The following MLEC variants were observed in gnomAD, a reference collection of about 807,000 sequenced individuals.
MLEC encodes oligosaccharyltransferase complex subunit (non-catalytic).
In MLEC, 7 loss-of-function variants were observed where a neutral mutation model predicts 28.7. The observed-to-expected ratio is 0.24, with a 90% CI of 0.14 to 0.46. The LOEUF (loss-of-function observed/expected upper bound fraction) is 0.46, where lower values mean the gene tolerates loss of function less well. Among genes scored for constraint, MLEC ranks in the 20% least tolerant of loss-of-function variants. The pLI is 0.99. For missense variants in MLEC, 237 were observed against 391.1 expected (o/e 0.61, Z 3.32); for synonymous variants, 142 against 164.4 (o/e 0.86, Z 1.04).
chr12:120,696,684 AAG>A lies in MLEC; in HGVS notation c.*142_*143del. ...ACACACATCAATTAAAGGAGACAAA[AAG>A]AGGCAGAGCGAGTAGAGAGCAGCCC... On this transcript the variant is annotated 3_prime_UTR_variant, in exon 5 of 5. Coordinates refer to ENST00000228506, the MANE Select transcript of MLEC (RefSeq NM_014730.4). This position sits in a 1 kb window ranked among gnomAD's most constrained non-coding sequence, Gnocchi z 5.4. The A allele has an allele frequency of 1.5e-6, 2 of 1,309,464 alleles. No individual in the cohort carries two copies. Among genetic ancestry groups the A allele is most frequent in the Non-Finnish European group, 2.1e-6 (2 of 961,314 alleles). The allele number at this position is 1,309,464 out of a possible 1,614,324, so 81.1% of individuals were successfully genotyped here.
At position 120,694,396 on chromosome 12, in the gene MLEC, T is replaced by C. The variant is rs911670170; in HGVS notation, c.414+127T>C. ...AGAACAGATGAGCTCTAGAGAAGCA[T>C]GTTCCATAGTGCACAAGGCTGCACT... On this transcript the variant is annotated intron_variant, in intron 2 of 4. Transcript: ENST00000228506. The surrounding 1 kb of genome is among the most constrained non-coding windows in gnomAD (Gnocchi z 4.5). The C allele has an allele frequency of 6.2e-6, 6 of 961,894 alleles. No individual in the cohort carries two copies. The African/African-American group carries it at 9.9e-5, about 16-fold the overall frequency. 59.6% of individuals were successfully genotyped at this position (961,894 alleles called of 1,614,324 possible).
chr12:120,687,375 C>G lies in MLEC; in HGVS notation c.79C>G (p.Arg27Gly). ...GCTGCTGCTGCTGCCGCCGGCGATC[C>G]GGGGACCCGGGCTCGGCGTGGCCGG... ...LLLLLLPPAI[R>G]GPGLGVAGVA... Residue 27 changes from arginine to glycine, a missense_variant, in exon 1 of 5, where the codon CGG (arginine) becomes GGG (glycine). Coordinates refer to ENST00000228506, the MANE Select transcript of MLEC (RefSeq NM_014730.4). The surrounding 1 kb of genome is among the most constrained non-coding windows in gnomAD (Gnocchi z 8.1). 1 of 1,370,396 alleles carries G rather than the reference C, an allele frequency of 7.3e-7. No homozygotes were observed. The highest frequency in any genetic ancestry group is 9.4e-7 in the Non-Finnish European group (1 of 1,062,094). 84.9% of individuals were successfully genotyped at this position (1,370,396 alleles called of 1,614,324 possible). A position where few individuals can be genotyped will look rare whatever the true frequency, so the allele number is the denominator to read the frequency against.
rs1360667754 is a variant in MLEC, at chr12:120,701,505, T to G, written c.*4960T>G. 1.3e-5 allele frequency: 2 copies of G among 152,592 alleles called. No homozygotes were observed. Among genetic ancestry groups the G allele is most frequent in the African/African-American group, 2.4e-5 (1 of 41,424 alleles). 9.5% of individuals were successfully genotyped at this position (152,592 alleles called of 1,614,324 possible). On this transcript the variant is annotated 3_prime_UTR_variant, in exon 5 of 5. Transcript: ENST00000228506. The surrounding 1 kb of genome is among the most constrained non-coding windows in gnomAD (Gnocchi z 4.0). ...CTTGTCAGGAAACCAAGCCCACCCTTCCACATTGGGCCTGGCTGCTCTATT... is the reference window on the plus strand; with the variant it reads ...CTTGTCAGGAAACCAAGCCCACCCTGCCACATTGGGCCTGGCTGCTCTATT...
intron 1 of MLEC, among the ~76,000 whole-genome samples, chr12:120,688,991 C>G (rs529534318): frequency 3.3e-5 from 5 of 152,228 alleles, no homozygotes; most frequent in Non-Finnish European, 7.3e-5. Context: ...CTTGAGGAAA[C>G]TAGACAGTTT....
Position 120,694,355 on chromosome 12 carries a change from G to C in MLEC, c.414+86G>C. On this transcript the variant is annotated intron_variant, in intron 2 of 4. Coordinates refer to ENST00000228506, the MANE Select transcript of MLEC (RefSeq NM_014730.4). This position sits in a 1 kb window ranked among gnomAD's most constrained non-coding sequence, Gnocchi z 4.5. ...GATTATGGGGCTAGAGAGTGTGAGAGTCTCTCCAGAAAGGCAGAACAGATG... is the reference window on the plus strand; with the variant it reads ...GATTATGGGGCTAGAGAGTGTGAGACTCTCTCCAGAAAGGCAGAACAGATG... The C allele has an allele frequency of 1.4e-6, 2 of 1,390,308 alleles. No individual in the cohort carries two copies. The highest frequency in any genetic ancestry group is 2.0e-6 in the Non-Finnish European group (2 of 1,009,414). The allele number at this position is 1,390,308 out of a possible 1,614,324, so 86.1% of individuals were successfully genotyped here.
chr12:120,695,892 G>A (rs966351979), intron 4 of MLEC, among the ~76,000 whole-genome samples: 2 of 152,230 alleles, frequency 1.3e-5, no homozygotes, highest in Non-Finnish European at 2.9e-5. Context: ...GAGGAGGCAG[G>A]ACAGAGGGAT....
At chr12:120,692,119 C>T (rs1189586942) in intron 1 of MLEC, among the ~76,000 whole-genome samples, 1 of 152,128 alleles carries the variant, frequency 6.6e-6, no homozygotes, top group African/African-American at 2.4e-5. Context: ...GAGATTGCGC[C>T]ATTGCACTCC....
Position 120,694,628 on chromosome 12 carries a change from T to A in MLEC, c.415-196T>A, listed in dbSNP as rs544902569. On this transcript the variant is annotated intron_variant, in intron 2 of 4. Coordinates refer to ENST00000228506, the MANE Select transcript of MLEC (RefSeq NM_014730.4). The surrounding 1 kb of genome is among the most constrained non-coding windows in gnomAD (Gnocchi z 4.5). The stretch of plus-strand genomic sequence containing the variant: ...TATTCTTTGTTCCTTAAAGCCAATA[T>A]AAGAACTCCTGGGCAGTGAAGGAAC... Among the ~76,000 whole-genome samples the A allele has an allele frequency of 2.6e-5, 4 of 152,306 alleles. No homozygotes were observed. Among genetic ancestry groups the A allele is most frequent in the Non-Finnish European group, 4.4e-5 (3 of 68,020 alleles).
In MLEC at chr12:120,701,700, G is replaced by A. The variant is rs1803505; in HGVS notation, c.*5155G>A. 3,967 of 152,800 alleles carry A rather than the reference G, an allele frequency of 0.026. 86 individuals are homozygous for A. Among genetic ancestry groups the A allele is most frequent in the South Asian group, 0.051 (245 of 4,818 alleles). 9.5% of individuals were successfully genotyped at this position (152,800 alleles called of 1,614,324 possible). ...TGATGGGCTTTGAACCTGGTTGGCC[G>A]GGGAAGCTGTAGGGGTGGATAGAGC... On this transcript the variant is annotated 3_prime_UTR_variant, in exon 5 of 5. Transcript: ENST00000228506. This position sits in a 1 kb window ranked among gnomAD's most constrained non-coding sequence, Gnocchi z 4.0.
chr12:120,696,012 G>A lies in MLEC; in HGVS notation c.650-304G>A, dbSNP rs1221659405. ...GGAGGAGGGATTTGAAAAGGCTAAA[G>A]TTTAGGCATTGGATCATTGTCCCTG... On this transcript the variant is annotated intron_variant, in intron 4 of 4. Transcript: ENST00000228506. The surrounding 1 kb of genome is among the most constrained non-coding windows in gnomAD (Gnocchi z 5.4). Among the ~76,000 whole-genome samples, 3 of 152,198 alleles carry A rather than the reference G, an allele frequency of 2.0e-5. No homozygotes were observed. Among genetic ancestry groups the A allele is most frequent in the Non-Finnish European group, 2.9e-5 (2 of 68,040 alleles).
In MLEC at chr12:120,701,462, A is replaced by G. The variant is rs929595816; in HGVS notation, c.*4917A>G. The G allele has an allele frequency of 2.6e-5, 4 of 152,632 alleles. No homozygotes were observed. Among genetic ancestry groups the G allele is most frequent in the African/African-American group, 9.7e-5 (4 of 41,438 alleles). 9.5% of individuals were successfully genotyped at this position (152,632 alleles called of 1,614,324 possible). A position where few individuals can be genotyped will look rare whatever the true frequency, so the allele number is the denominator to read the frequency against. ...TGAGCCCAGGGCAGCCTCTTCAACCATTATTGGTCTAACCTGGCTTGTCAG... is the reference window on the plus strand; with the variant it reads ...TGAGCCCAGGGCAGCCTCTTCAACCGTTATTGGTCTAACCTGGCTTGTCAG... On this transcript the variant is annotated 3_prime_UTR_variant, in exon 5 of 5. Coordinates refer to ENST00000228506, the MANE Select transcript of MLEC (RefSeq NM_014730.4). This position sits in a 1 kb window ranked among gnomAD's most constrained non-coding sequence, Gnocchi z 4.0.
rs1026367553 is a variant in MLEC, at chr12:120,687,977, T to C, written c.235+446T>C. On this transcript the variant is annotated intron_variant, in intron 1 of 4. Transcript: ENST00000228506. This position sits in a 1 kb window ranked among gnomAD's most constrained non-coding sequence, Gnocchi z 8.1. ...AGCGGGGCTTGATTCTTAGCCAGAA[T>C]AGGAAGGAATCTTCGAAGAGAATGG... Among the ~76,000 whole-genome samples the C allele has an allele frequency of 1.2e-4, 18 of 152,182 alleles. No homozygotes were observed. Among genetic ancestry groups the C allele is most frequent in the African/African-American group, 3.9e-4 (16 of 41,522 alleles).
rs1363107612 is a variant in MLEC, at chr12:120,700,809, C to T, written c.*4264C>T. 6.6e-6 allele frequency: 1 copy of T among 152,256 alleles called. No individual in the cohort carries two copies. Among genetic ancestry groups the T allele is most frequent in the East Asian group, 1.9e-4 (1 of 5,208 alleles). The allele number at this position is 152,256 out of a possible 1,614,324, so 9.4% of individuals were successfully genotyped here. ...AGATTGGTACCAGTAGATCAGCTGC[C>T]TAGCGAGGGCAGGTTTCTTCTTTGC... On this transcript the variant is annotated 3_prime_UTR_variant, in exon 5 of 5. Transcript: ENST00000228506. This position sits in a 1 kb window ranked among gnomAD's most constrained non-coding sequence, Gnocchi z 4.0.
rs1297039004 is a variant in MLEC at position 120,694,320 on chromosome 12, G to A, written c.414+51G>A. On this transcript the variant is annotated intron_variant, in intron 2 of 4. Transcript: ENST00000228506. This position sits in a 1 kb window ranked among gnomAD's most constrained non-coding sequence, Gnocchi z 4.5. ...GACCAGTAGGACATTGCTGCTCTTG[G>A]ACAATCCACGATTATGGGGCTAGAG... The A allele has an allele frequency of 2.6e-6, 4 of 1,567,110 alleles. No homozygotes were observed. The African/African-American group carries it at 4.1e-5, about 16-fold the overall frequency.
chr12:120,694,798 A>C lies in MLEC; in HGVS notation c.415-26A>C. On this transcript the variant is annotated intron_variant, in intron 2 of 4. Transcript: ENST00000228506. The surrounding 1 kb of genome is among the most constrained non-coding windows in gnomAD (Gnocchi z 4.5). ...AGGATGTAAAGCTGATGGTTTTGAC[A>C]TTGTTTTCTTTTCTTATCCTGGAAG... 1 of 1,590,176 alleles carries C rather than the reference A, an allele frequency of 6.3e-7. No homozygotes were observed. Among genetic ancestry groups the C allele is most frequent in the Non-Finnish European group, 8.6e-7 (1 of 1,164,992 alleles).
intron 1 of MLEC, among the ~76,000 whole-genome samples, chr12:120,692,987 G>A (rs777478749): frequency 3.3e-5 from 5 of 152,134 alleles, no homozygotes; most frequent in Non-Finnish European, 7.3e-5. Context: ...TTGGGAGGCC[G>A]ATGCGGGTGG....
At position 120,695,366 on chromosome 12, in the gene MLEC, A is replaced by T. The variant is rs80157201; in HGVS notation, c.649+214A>T. 3.4e-3 allele frequency among the ~76,000 whole-genome samples: 517 copies of T among 152,350 alleles called. 2 individuals are homozygous for T. The highest frequency in any genetic ancestry group is 0.012 in the African/African-American group (501 of 41,582). On this transcript the variant is annotated intron_variant, in intron 4 of 4. Transcript: ENST00000228506. ...TATATCTTGTTGCTGCCATTTAATC[A>T]GATGTTTGTCTTGGATGGATGCTTT...
At chr12:120,695,335 T>G (rs1882189957) in intron 4 of MLEC, among the ~76,000 whole-genome samples, 183 bp downstream of exon 4, 2 of 152,216 alleles carry the variant, frequency 1.3e-5, no homozygotes. Context: ...TGGAGTCAGG[T>G]CTATGTATAT....
In MLEC at chr12:120,694,877, T is replaced by C; in HGVS notation, c.468T>C (p.Phe156=). 1 of 1,614,168 alleles carries C rather than the reference T, an allele frequency of 6.2e-7. No homozygotes were observed. The highest frequency in any genetic ancestry group is 1.1e-5 in the South Asian group (1 of 91,074). ...GHVVVKDLDI[F]DRVGHSTAHD... Reference sequence around the variant, plus strand: ...TCGTGGTGAAGGACTTGGATATCTTTGATCGTGTTGGGCATAGCACAGCTC... The same window carrying C: ...TCGTGGTGAAGGACTTGGATATCTTCGATCGTGTTGGGCATAGCACAGCTC... Residue 156 remains phenylalanine (F), a synonymous_variant, in exon 3 of 5, where the codon TTT becomes TTC. Transcript: ENST00000228506. The surrounding 1 kb of genome is among the most constrained non-coding windows in gnomAD (Gnocchi z 4.5).
Sources: allele counts gnomAD v4.1 joint callset (sites outside exome capture counted in the v4.1 genomes callset), GRCh38; gene constraint gnomAD v4.1.1; non-coding constraint Gnocchi (gnomAD v3.1); transcripts MANE v1.5; gene names NCBI Gene and HGNC (gene_info 2026-07-23, HGNC 2026-07-21).